The following PTPRA variants were observed in gnomAD, a reference collection of about 807,000 sequenced individuals.
The protein encoded by PTPRA is protein tyrosine phosphatase receptor type A.
In PTPRA, 25 loss-of-function variants were observed where a neutral mutation model predicts 104.8. The ratio of observed to expected loss-of-function variants is 0.24; its 90% CI spans 0.17 to 0.33. The LOEUF is 0.33. Among genes scored for constraint, PTPRA ranks in the 10% least tolerant of loss-of-function variants. The pLI is 1.00. For missense variants in PTPRA, 765 were observed against 1,015.3 expected, an observed-to-expected ratio of 0.75 and a Z score of 3.35; for synonymous variants, 323 against 368.9, an observed-to-expected ratio of 0.88 and a Z score of 1.43.
intron 1 of PTPRA, among the ~76,000 whole-genome samples, chr20:2,899,215 A>G (rs2059134884): frequency 6.6e-6 from 1 of 152,258 alleles, no homozygotes; most frequent in Non-Finnish European, 1.5e-5. Flanking sequence ...ACGCACCTAT[A>G]GTCCTAGCTA....
At chr20:3,023,892 T>C (rs1334543257) in intron 16 of PTPRA, among the ~76,000 whole-genome samples, 1 of 152,238 alleles carries the variant, frequency 6.6e-6, no homozygotes, top group Admixed American at 6.5e-5. Flanking sequence ...GCTAGCCCCT[T>C]TCATGTGATG....
chr20:2,948,756 C>T (rs574440230), intron 3 of PTPRA, among the ~76,000 whole-genome samples: 53 of 151,874 alleles, frequency 3.5e-4, no homozygotes, highest in Admixed American at 2.6e-3. Context: ...TCAAGACCAT[C>T]CTGGCTAACA....
intron 1 of PTPRA, among the ~76,000 whole-genome samples, chr20:2,889,635 TGG>T (rs1181214826): frequency 6.6e-6 from 1 of 152,220 alleles, no homozygotes. Flanking sequence ...CTTTTCTTTC[TGG>T]GATTGTGATG....
At chr20:2,876,902 C>T (rs1416535152) in intron 1 of PTPRA, among the ~76,000 whole-genome samples, 2 of 152,180 alleles carry the variant, frequency 1.3e-5, no homozygotes, top group Non-Finnish European at 2.9e-5. Context: ...AATCCTCCCC[C>T]ACCCTATGCG....
chr20:3,004,218 T>A (rs554694661), intron 9 of PTPRA, among the ~76,000 whole-genome samples: 64 of 151,352 alleles, frequency 4.2e-4, no homozygotes, highest in African/African-American at 1.5e-3. Flanking sequence ...GGGTTTCGCC[T>A]TGTTAGCCAG....
chr20:2,986,869 A>G lies in PTPRA; in HGVS notation c.527+20A>G, dbSNP rs1478640452. 1 of 1,568,714 alleles carries G rather than the reference A, an allele frequency of 6.4e-7. No homozygotes were observed. Among genetic ancestry groups the G allele is most frequent in the African/African-American group, 1.4e-5 (1 of 74,022 alleles). On this transcript the variant is annotated intron_variant, in intron 7 of 23. Transcript: ENST00000399903. ...GTTAAGGTGAGCCTACTAACACTTCACATTCTCTTAGATTCTGTTTCAATA... is the reference window on the plus strand; with the variant it reads ...GTTAAGGTGAGCCTACTAACACTTCGCATTCTCTTAGATTCTGTTTCAATA...
chr20:2,993,427 A>T (rs2063271373), intron 9 of PTPRA, among the ~76,000 whole-genome samples: 1 of 152,248 alleles, frequency 6.6e-6, no homozygotes, highest in African/African-American at 2.4e-5. Flanking sequence ...ATAGTTGTCA[A>T]GGTAATGTCC....
intron 3 of PTPRA, among the ~76,000 whole-genome samples, chr20:2,954,486 G>C (rs2061466567): frequency 6.6e-6 from 1 of 151,902 alleles, no homozygotes; most frequent in African/African-American, 2.4e-5. Flanking sequence ...GCCTCCCAAA[G>C]TGCTGGGATT....
At chr20:3,007,232 A>G (rs2063917895) in intron 10 of PTPRA, 112 bp from the exon 11 acceptor site, 1 of 996,394 alleles carries the variant, frequency 1.0e-6, no homozygotes, top group African/African-American at 1.6e-5. Flanking sequence ...GCATCTTTAT[A>G]CAAGCGTGAG....
intron 8 of PTPRA, 112 bp downstream of exon 8, chr20:2,988,217 T>A: frequency 1.3e-6 from 2 of 1,524,036 alleles, no homozygotes; most frequent in Non-Finnish European, 1.8e-6. Context: ...AAAAAAGATT[T>A]TTGAAGAAAA....
At chr20:2,891,006 A>G (rs542985429) in intron 1 of PTPRA, among the ~76,000 whole-genome samples, 1 of 152,328 alleles carries the variant, frequency 6.6e-6, no homozygotes, top group East Asian at 1.9e-4. Context: ...ACAGTCTCAG[A>G]ACTGACTCAT....
chr20:3,020,715 C>T (rs2064824256), intron 13 of PTPRA, among the ~76,000 whole-genome samples: 1 of 152,200 alleles, frequency 6.6e-6, no homozygotes, highest in African/African-American at 2.4e-5. Context: ...TCAAGGATGG[C>T]CCTTGAGTCA....
At chr20:2,918,888 A>G (rs1488178439) in intron 1 of PTPRA, among the ~76,000 whole-genome samples, 1 of 152,176 alleles carries the variant, frequency 6.6e-6, no homozygotes, top group Non-Finnish European at 1.5e-5. Flanking sequence ...GTTATTTATT[A>G]ATAACTACTC....
At chr20:2,878,939 G>A (rs1172493630) in intron 1 of PTPRA, among the ~76,000 whole-genome samples, 1 of 152,218 alleles carries the variant, frequency 6.6e-6, no homozygotes, top group Non-Finnish European at 1.5e-5. Context: ...TGATGAGATT[G>A]AAATATTGTG....
intron 16 of PTPRA, among the ~76,000 whole-genome samples, chr20:3,023,764 G>T (rs1167733508): frequency 6.6e-6 from 1 of 152,168 alleles, no homozygotes; most frequent in Admixed American, 6.5e-5. Context: ...CATGTCCTCC[G>T]TATGCTGAGC....
chr20:2,924,870 A>G (rs2060236322), intron 2 of PTPRA, among the ~76,000 whole-genome samples: 3 of 152,068 alleles, frequency 2.0e-5, no homozygotes, highest in Admixed American at 2.0e-4. Context: ...TAATAGAGAC[A>G]GAGTTTCACC....
chr20:2,885,756 G>A (rs956865769), intron 1 of PTPRA, among the ~76,000 whole-genome samples: 1 of 152,086 alleles, frequency 6.6e-6, no homozygotes, highest in African/African-American at 2.4e-5. Flanking sequence ...AAAAGTACAC[G>A]AACTGCTACA....
intron 6 of PTPRA, among the ~76,000 whole-genome samples, chr20:2,983,115 T>C (rs1469384850): frequency 3.3e-5 from 5 of 152,130 alleles, no homozygotes; most frequent in Admixed American, 6.5e-5. Context: ...CTGAGACTTA[T>C]GATCCTAATT....
At chr20:2,894,258 A>G (rs2058906968) in intron 1 of PTPRA, among the ~76,000 whole-genome samples, 1 of 152,212 alleles carries the variant, frequency 6.6e-6, no homozygotes, top group Non-Finnish European at 1.5e-5. Context: ...TTCAGCCTCT[A>G]TAATGCCCTC....
Sources: allele counts gnomAD v4.1 joint callset (sites outside exome capture counted in the v4.1 genomes callset), GRCh38; gene constraint gnomAD v4.1.1; transcripts MANE v1.5; gene names NCBI Gene and HGNC (gene_info 2026-07-23, HGNC 2026-07-21).